RPSA2: variants seen among roughly 807,000 people sequenced by gnomAD.
RPSA2 encodes ribosomal protein SA 2, also known as small ribosomal subunit protein uS2B.
At chr19:23,870,706 C>A in the RPSA2 span, among the ~76,000 whole-genome samples, 4 of 152,114 alleles carry the variant, frequency 2.6e-5, no homozygotes, top group East Asian at 7.7e-4. Context: ...CTGCTCATAG[C>A]CTGTAAAATC....
At chr19:23,833,289 A>G in the RPSA2 span, 1 of 734,958 alleles carries the variant, frequency 1.4e-6, no homozygotes, top group Non-Finnish European at 1.7e-6. Flanking sequence ...ACTTATATTG[A>G]AGAGAAATAT....
chr19:23,768,383 T>TCC, the RPSA2 span, among the ~76,000 whole-genome samples: 1 of 150,758 alleles, frequency 6.6e-6, no homozygotes, highest in Non-Finnish European at 1.5e-5. Flanking sequence ...CCTCTTTTTT[T>TCC]CAAAGTCTAG....
At chr19:23,833,195 A>C in the RPSA2 span, 4 of 1,189,086 alleles carry the variant, frequency 3.4e-6, no homozygotes, top group Non-Finnish European at 4.2e-6. Flanking sequence ...ACTAAACATA[A>C]GAAAATTTAT....
At chr19:23,841,412 C>A in the RPSA2 span, among the ~76,000 whole-genome samples, 1 of 152,040 alleles carries the variant, frequency 6.6e-6, no homozygotes, top group African/African-American at 2.4e-5. Context: ...TGCAGTGAGC[C>A]AAGATCACGC....
At chr19:23,806,033 A>T in the RPSA2 span, among the ~76,000 whole-genome samples, 6 of 111,518 alleles carry the variant, frequency 5.4e-5, no homozygotes, top group African/African-American at 1.7e-4. Flanking sequence ...CTATCTATCT[A>T]TCCTTCTTTC....
chr19:23,858,899 A>T, the RPSA2 span, among the ~76,000 whole-genome samples: 1 of 152,224 alleles, frequency 6.6e-6, no homozygotes, highest in African/African-American at 2.4e-5. Flanking sequence ...TATGTAAATT[A>T]GACACTGCCT....
At chr19:23,831,472 T>G in the RPSA2 span, 1 of 152,496 alleles carries the variant, frequency 6.6e-6, no homozygotes, top group East Asian at 1.9e-4. Context: ...AATTAGAGCC[T>G]GTGGTATTTT....
the RPSA2 span, among the ~76,000 whole-genome samples, chr19:23,804,725 G>C: frequency 6.6e-6 from 1 of 152,076 alleles, no homozygotes; most frequent in African/African-American, 2.4e-5. Context: ...ACATAGAGTG[G>C]GGCCAAATTT....
chr19:23,804,114 G>A, the RPSA2 span, among the ~76,000 whole-genome samples: 4 of 152,170 alleles, frequency 2.6e-5, no homozygotes, highest in African/African-American at 9.6e-5. Context: ...TGTACATGTT[G>A]TTTTCTAAAT....
At chr19:23,760,565 C>T in the RPSA2 span, among the ~76,000 whole-genome samples, 7 of 151,486 alleles carry the variant, frequency 4.6e-5, no homozygotes, top group African/African-American at 1.7e-4. Context: ...CAAATCTCAC[C>T]GAGCTGTAGC....
chr19:23,840,211 T>G, the RPSA2 span, among the ~76,000 whole-genome samples: 372 of 152,354 alleles, frequency 2.4e-3, 2 homozygotes, highest in African/African-American at 8.7e-3. Flanking sequence ...CTTCTGATGC[T>G]TTTGCCTAAC....
the RPSA2 span, among the ~76,000 whole-genome samples, chr19:23,842,221 C>G: frequency 6.6e-6 from 1 of 152,156 alleles, no homozygotes; most frequent in African/African-American, 2.4e-5. Flanking sequence ...TGTGACTTCT[C>G]CATGTGAGAA....
the RPSA2 span, among the ~76,000 whole-genome samples, chr19:23,783,152 A>G: frequency 1.3e-4 from 19 of 151,922 alleles, no homozygotes; most frequent in South Asian, 6.2e-4. Context: ...TTGGAGTGCA[A>G]TGGCACCATG....
chr19:23,804,857 A>G, the RPSA2 span, among the ~76,000 whole-genome samples: 1 of 152,080 alleles, frequency 6.6e-6, no homozygotes, highest in Non-Finnish European at 1.5e-5. Flanking sequence ...CCCTTTTCAC[A>G]GTTTGCTTAA....
At chr19:23,811,816 G>C in the RPSA2 span, among the ~76,000 whole-genome samples, 1 of 128,378 alleles carries the variant, frequency 7.8e-6, no homozygotes, top group Non-Finnish European at 1.6e-5. Context: ...GCAATGTAAG[G>C]TATTATTTGC....
the RPSA2 span, among the ~76,000 whole-genome samples, chr19:23,863,596 C>T: frequency 6.8e-6 from 1 of 146,002 alleles, no homozygotes; most frequent in Admixed American, 6.8e-5. Context: ...GCACTCTAGA[C>T]AGATTCATTT....
chr19:23,776,996 GATATA>G, the RPSA2 span, among the ~76,000 whole-genome samples: 1 of 152,196 alleles, frequency 6.6e-6, no homozygotes, highest in Non-Finnish European at 1.5e-5. Context: ...TGGGGATTGT[GATATA>G]TCGCATGGCC....
the RPSA2 span, among the ~76,000 whole-genome samples, chr19:23,784,124 C>T: frequency 1.3e-5 from 2 of 152,170 alleles, no homozygotes; most frequent in African/African-American, 4.8e-5. Context: ...TCAAAGAAGC[C>T]AGTAGGAGAG....
the RPSA2 span, among the ~76,000 whole-genome samples, chr19:23,868,960 TG>T: frequency 6.6e-6 from 1 of 152,092 alleles, no homozygotes; most frequent in Admixed American, 6.6e-5. Context: ...AAGAAAACCA[TG>T]CAGGAAGCTG....
Sources: gnomAD v4.1 joint callset for allele counts (sites outside exome capture counted in the v4.1 genomes callset) on GRCh38, gnomAD v4.1.1 for gene constraint, MANE v1.5 for transcripts, NCBI Gene and HGNC (gene_info 2026-07-23, HGNC 2026-07-21) for gene names.